PFDN2: variants seen among roughly 807,000 people sequenced by gnomAD.
PFDN2 encodes the protein prefoldin 2.
In PFDN2, 7 loss-of-function variants were observed where a neutral mutation model predicts 18.3. The ratio of observed to expected loss-of-function variants is 0.38; its 90% confidence interval spans 0.22 to 0.72. PFDN2 has a LOEUF of 0.72. Ranked by LOEUF, PFDN2 falls within the 30% of genes least tolerant of loss-of-function variation. The pLI is 0.47. For synonymous variants in PFDN2, 76 were observed against 75.0 expected, an observed-to-expected ratio of 1.01 and a Z score of -0.07; for missense variants, 181 against 199.1, an observed-to-expected ratio of 0.91 and a Z score of 0.55.
chr1:161,109,563 G>A (rs1192917636), intron 1 of PFDN2, among the ~76,000 whole-genome samples: 1 of 152,076 alleles, frequency 6.6e-6, no homozygotes, highest in Non-Finnish European at 1.5e-5. Context: ...AAGAGTAAAG[G>A]AACACCTACT....
rs537316306 is a variant in PFDN2, at chr1:161,115,851, T to A, written c.75+2101A>T. On this transcript the variant is annotated intron_variant, in intron 1 of 3. Coordinates refer to ENST00000368010, the MANE Select transcript of PFDN2 (RefSeq NM_012394.4). ...GCATCTACTGGGGTCTTGGAATATG[T>A]CCCCCTCAGATAAGGGGGAGCTACA... Among the ~76,000 whole-genome samples the A allele has an allele frequency of 2.2e-4, 34 of 152,184 alleles. 1 individual carries two copies. The South Asian group carries it at 6.8e-3, about 31-fold the overall frequency.
At position 161,112,931 on chromosome 1, in the gene PFDN2, C is replaced by T. The variant is rs1156754275; in HGVS notation, c.75+5021G>A. ...AAAAAAAAAAGCTCCCCCTTCCATC[C>T]ACACATATATACACAAAAAGACAAA... On this transcript the variant is annotated intron_variant, in intron 1 of 3. Transcript: ENST00000368010. Among the ~76,000 whole-genome samples the T allele has an allele frequency of 2.0e-5, 3 of 149,914 alleles. 1 individual carries two copies. Among genetic ancestry groups the T allele is most frequent in the African/African-American group, 7.3e-5 (3 of 40,830 alleles).
intron 3 of PFDN2, among the ~76,000 whole-genome samples, chr1:161,101,389 T>A (rs936516104): frequency 6.6e-6 from 1 of 151,712 alleles, no homozygotes; most frequent in Non-Finnish European, 1.5e-5. Flanking sequence ...TTAGTAGAGA[T>A]GGGGTTTCAC....
intron 1 of PFDN2, among the ~76,000 whole-genome samples, chr1:161,110,305 G>A (rs1419241878): frequency 1.3e-5 from 2 of 151,882 alleles, no homozygotes; most frequent in East Asian, 1.9e-4. Flanking sequence ...GGGTTGCAAT[G>A]AGCCAACACC....
At position 161,106,582 on chromosome 1, in the gene PFDN2, G is replaced by A. The variant is rs147116443; in HGVS notation, c.76-4207C>T. ...GCACAGATTGACACATCAGTGTTGCGTCTCTCAACCCTATTAAATCATCAT... is the reference window on the plus strand; with the variant it reads ...GCACAGATTGACACATCAGTGTTGCATCTCTCAACCCTATTAAATCATCAT... On this transcript the variant is annotated intron_variant, in intron 1 of 3. Transcript: ENST00000368010. 3.5e-3 allele frequency among the ~76,000 whole-genome samples: 533 copies of A among 152,064 alleles called. 2 individuals are homozygous for A. Among genetic ancestry groups the A allele is most frequent in the African/African-American group, 0.012 (491 of 41,468 alleles).
rs566470908 is a variant in PFDN2, at chr1:161,112,881, T to C, written c.75+5071A>G. Among the ~76,000 whole-genome samples, 7 of 149,758 alleles carry C rather than the reference T, an allele frequency of 4.7e-5. No individual in the cohort carries two copies. In the East Asian group the frequency reaches 1.4e-3, roughly 29 times the overall value. On this transcript the variant is annotated intron_variant, in intron 1 of 3. Transcript: ENST00000368010. ...CAAACCAGTACATACTGTAGTATAA[T>C]CCTAATTTTATAAAATATGTAAAAA...
intron 1 of PFDN2, among the ~76,000 whole-genome samples, chr1:161,113,650 A>C (rs1219981868): frequency 6.6e-6 from 1 of 152,170 alleles, no homozygotes; most frequent in East Asian, 1.9e-4. Flanking sequence ...GCAGGGTGGC[A>C]CACGCATGTA....
intron 1 of PFDN2, among the ~76,000 whole-genome samples, chr1:161,114,550 C>A (rs1166689792): frequency 6.6e-6 from 1 of 152,200 alleles, no homozygotes; most frequent in African/African-American, 2.4e-5. Flanking sequence ...TTTTTCTCCT[C>A]TAGAAAACAA....
chr1:161,118,037 T>C lies in PFDN2; in HGVS notation c.-11A>G, dbSNP rs376601895. ...GCTGTTCTCCGCCATCTTCGCCGCC[T>C]GCTGGGTTTCCGGCCGGCGCAGCTC... On this transcript the variant is annotated 5_prime_UTR_variant, in exon 1 of 4. Coordinates refer to ENST00000368010, the MANE Select transcript of PFDN2 (RefSeq NM_012394.4). 4.4e-5 allele frequency: 71 copies of C among 1,610,972 alleles called. No individual in the cohort carries two copies. In the South Asian group the frequency reaches 5.7e-4, roughly 13 times the overall value.
intron 1 of PFDN2, 84 bp downstream of exon 1, chr1:161,117,868 G>C (rs978645106): frequency 1.6e-6 from 2 of 1,219,214 alleles, no homozygotes; most frequent in African/African-American, 3.1e-5. Context: ...CTGGAGTAAA[G>C]GCCTGCACAA....
At chr1:161,106,729 T>C (rs1187517910) in intron 1 of PFDN2, among the ~76,000 whole-genome samples, 1 of 152,234 alleles carries the variant, frequency 6.6e-6, no homozygotes, top group East Asian at 1.9e-4. Flanking sequence ...CTTGAACTCC[T>C]GGGCTCAAGT....
intron 1 of PFDN2, among the ~76,000 whole-genome samples, chr1:161,113,965 C>A (rs2101707327): frequency 6.6e-6 from 1 of 152,346 alleles, no homozygotes; most frequent in Admixed American, 6.5e-5. Context: ...TCAAAACTCA[C>A]TTATCACACT....
In PFDN2 at chr1:161,103,683, C is replaced by CAAAAAAAAAAAAAA. The variant is rs553472563; in HGVS notation, c.76-1322_76-1309dup. 4.5e-4 allele frequency among the ~76,000 whole-genome samples: 34 copies of CAAAAAAAAAAAAAA among 74,916 alleles called. 2 individuals carry two copies. The highest frequency in any genetic ancestry group is 6.7e-4 in the Non-Finnish European group (27 of 40,008). The allele number at this position is 74,916 out of a possible 152,430, so 49.1% of individuals were successfully genotyped here. A position where few individuals can be genotyped will look rare whatever the true frequency, so the allele number is the denominator to read the frequency against. ...CTGGCAACAGAGCAAGACTCCGTCTCAAAAAAAAAAAAAAAAAAAAAAAAA... is the reference window on the plus strand; with the variant it reads ...CTGGCAACAGAGCAAGACTCCGTCTCAAAAAAAAAAAAAAAAAAAAAAAAAAAAAAAAAAAAAAA... On this transcript the variant is annotated intron_variant, in intron 1 of 3. Transcript: ENST00000368010.
At chr1:161,103,813 C>A (rs1654627454) in intron 1 of PFDN2, among the ~76,000 whole-genome samples, 1 of 149,314 alleles carries the variant, frequency 6.7e-6, no homozygotes, top group African/African-American at 2.5e-5. Flanking sequence ...TTAAATGAAA[C>A]CTGAAAAATC....
At position 161,117,991 on chromosome 1, in the gene PFDN2, G is replaced by A. The variant is rs1374319170; in HGVS notation, c.36C>T (p.Ser12=). 1.2e-6 allele frequency: 2 copies of A among 1,612,490 alleles called. No individual in the cohort carries two copies. The highest frequency in any genetic ancestry group is 1.7e-6 in the Non-Finnish European group (2 of 1,179,508). Residue 12 remains serine (S), a synonymous_variant, in exon 1 of 4, where the codon AGC becomes AGT. Coordinates refer to ENST00000368010, the MANE Select transcript of PFDN2 (RefSeq NM_012394.4). Reference sequence around the variant, plus strand: ...CCGCCCCCTTCCCCGCGCCGCTCCCGCTGCTCTTGCCGGCGCGACCGCTGT... The same window carrying A: ...CCGCCCCCTTCCCCGCGCCGCTCCCACTGCTCTTGCCGGCGCGACCGCTGT... ...AENSGRAGKS[S]GSGAGKGAVS...
chr1:161,113,961 C>G (rs569101122), intron 1 of PFDN2, among the ~76,000 whole-genome samples: 2 of 152,332 alleles, frequency 1.3e-5, no homozygotes, highest in East Asian at 3.9e-4. Flanking sequence ...AGCCTCAAAA[C>G]TCACTTATCA....
At chr1:161,102,192 A>C in intron 2 of PFDN2, 21 bp from the exon 3 acceptor site, 1 of 1,614,120 alleles carries the variant, frequency 6.2e-7, no homozygotes, top group Non-Finnish European at 8.5e-7. Context: ...AGAACAAGGC[A>C]GGACCTGAGG....
intron 1 of PFDN2, among the ~76,000 whole-genome samples, chr1:161,105,523 T>C (rs1654660697): frequency 6.6e-6 from 1 of 151,288 alleles, no homozygotes; most frequent in Non-Finnish European, 1.5e-5. Flanking sequence ...AGTGGCGCGA[T>C]CTCAGCTCAT....
intron 3 of PFDN2, among the ~76,000 whole-genome samples, chr1:161,101,230 C>T (rs1276913760): frequency 6.6e-6 from 1 of 151,188 alleles, no homozygotes; most frequent in East Asian, 1.9e-4. Flanking sequence ...GTTGCAGCAT[C>T]GCTGTGTCGC....
Sources: gnomAD v4.1 joint callset for allele counts (sites outside exome capture counted in the v4.1 genomes callset) on GRCh38, gnomAD v4.1.1 for gene constraint, MANE v1.5 for transcripts, NCBI Gene and HGNC (gene_info 2026-07-23, HGNC 2026-07-21) for gene names.